CLNS1A: variants seen among roughly 807,000 people sequenced by gnomAD.
CLNS1A encodes chloride nucleotide-sensitive channel 1A.
In CLNS1A, 16 loss-of-function variants were observed where a neutral mutation model predicts 29.4. The ratio of observed to expected loss-of-function variants is 0.54; its 90% CI spans 0.37 to 0.83. The LOEUF (loss-of-function observed/expected upper bound fraction) is 0.83. Among genes scored for constraint, CLNS1A ranks in the 40% least tolerant of loss-of-function variants. The pLI, the probability that CLNS1A is intolerant of heterozygous loss-of-function variation, is 0.00. For synonymous variants in CLNS1A, 96 were observed against 104.8 expected (o/e 0.92, Z 0.51); for missense variants, 235 against 287.4 (o/e 0.82, Z 1.32).
intron 6 of CLNS1A, 66 bp downstream of exon 6, chr11:77,619,540 A>C: frequency 2.8e-6 from 3 of 1,090,852 alleles, no homozygotes; most frequent in Non-Finnish European, 4.2e-6. Flanking sequence ...GAATTTTAAA[A>C]AGTAGAAAGT....
At chr11:77,621,823 T>C in intron 5 of CLNS1A, 1 of 381,650 alleles carries the variant, frequency 2.6e-6, no homozygotes, top group Non-Finnish European at 5.2e-6. Context: ...GTGTGGTGGG[T>C]CTCATTTAAT....
intron 5 of CLNS1A, 93 bp from the exon 6 acceptor site, chr11:77,619,788 C>G (rs1200709285): frequency 3.7e-5 from 33 of 882,760 alleles, no homozygotes; most frequent in African/African-American, 6.6e-5. Context: ...AGCTAGTGCC[C>G]TCTGCTGGTA....
At chr11:77,622,941 T>C (rs1468948800) in intron 4 of CLNS1A, among the ~76,000 whole-genome samples, 1 of 144,282 alleles carries the variant, frequency 6.9e-6, no homozygotes, top group East Asian at 2.1e-4. Context: ...GAGCAAGACC[T>C]TGTCTTGGAA....
intron 1 of CLNS1A, among the ~76,000 whole-genome samples, chr11:77,634,129 T>A (rs1418164654): frequency 1.3e-5 from 2 of 151,502 alleles, no homozygotes; most frequent in Admixed American, 1.3e-4. Flanking sequence ...CAACTTCCTA[T>A]AAAAAACTAA....
At chr11:77,627,921 G>A (rs1329947757) in intron 2 of CLNS1A, among the ~76,000 whole-genome samples, 3 of 152,114 alleles carry the variant, frequency 2.0e-5, no homozygotes, top group African/African-American at 4.8e-5. Flanking sequence ...CACCTCCCGG[G>A]TTCAAGTGAT....
chr11:77,630,479 A>C (rs1330487847), intron 1 of CLNS1A, among the ~76,000 whole-genome samples: 1 of 152,184 alleles, frequency 6.6e-6, no homozygotes, highest in Non-Finnish European at 1.5e-5. Flanking sequence ...CCTACACTAA[A>C]AGACATATAT....
intron 1 of CLNS1A, among the ~76,000 whole-genome samples, chr11:77,632,275 C>G (rs1276278664): frequency 6.6e-6 from 1 of 152,164 alleles, no homozygotes; most frequent in Non-Finnish European, 1.5e-5. Context: ...CTTTTCTGAT[C>G]TCAAAAATTT....
At chr11:77,634,291 T>C (rs773767005) in intron 1 of CLNS1A, among the ~76,000 whole-genome samples, 3 of 152,170 alleles carry the variant, frequency 2.0e-5, no homozygotes, top group Non-Finnish European at 4.4e-5. Flanking sequence ...TTTATGAACA[T>C]GACTCTCTCC....
intron 2 of CLNS1A, 122 bp downstream of exon 2, chr11:77,629,641 G>A (rs1046307145): frequency 1.9e-5 from 16 of 824,042 alleles, no homozygotes; most frequent in Non-Finnish European, 2.8e-5. Context: ...TGATCCGCCC[G>A]CCTCGGCCTC....
intron 4 of CLNS1A, among the ~76,000 whole-genome samples, chr11:77,624,601 C>T (rs1011185261): frequency 6.6e-6 from 1 of 152,130 alleles, no homozygotes; most frequent in African/African-American, 2.4e-5. Flanking sequence ...AGGCGGATCA[C>T]CTGAGGTCGG....
At chr11:77,635,525 T>A (rs2135780739) in intron 1 of CLNS1A, among the ~76,000 whole-genome samples, 1 of 152,104 alleles carries the variant, frequency 6.6e-6, no homozygotes, top group East Asian at 1.9e-4. Context: ...ATAATTTTTG[T>A]ATTTTAGTAG....
intron 5 of CLNS1A, 135 bp downstream of exon 5, chr11:77,622,365 T>C (rs1272921950): frequency 3.1e-6 from 2 of 641,548 alleles, no homozygotes; most frequent in Non-Finnish European, 5.2e-6. Flanking sequence ...TCCTATACTA[T>C]GTAATTCTGT....
rs753612871 is a variant in CLNS1A, at chr11:77,619,661, A to T, written c.681T>A (p.Ala227=). The change falls in exon 6 of 7, where the codon GCT becomes GCA. Residue 227 remains alanine (A), a synonymous_variant. Transcript: ENST00000525428. ...CAACATCTGCATCCTCAAACTGTCC[A>T]GCAACTGTTGGTGTGGTATCCACCT... ...GMEVDTTPTV[A]GQFEDADVDH The T allele has an allele frequency of 1.2e-6, 2 of 1,613,940 alleles. No individual in the cohort carries two copies. Among genetic ancestry groups the T allele is most frequent in the Admixed American group, 3.3e-5 (2 of 60,014 alleles).
chr11:77,628,672 A>G (rs889475472), intron 2 of CLNS1A, among the ~76,000 whole-genome samples: 7 of 152,266 alleles, frequency 4.6e-5, no homozygotes, highest in African/African-American at 1.4e-4. Flanking sequence ...GAACCATATT[A>G]AAATCTAAAT....
At position 77,616,611 on chromosome 11, in the gene CLNS1A, G is replaced by A. The variant is rs956447793; in HGVS notation, c.*107C>T. The A allele has an allele frequency of 2.6e-5, 4 of 152,610 alleles. No individual in the cohort carries two copies. Among genetic ancestry groups the A allele is most frequent in the South Asian group, 2.1e-4 (1 of 4,828 alleles). 9.5% of individuals were successfully genotyped at this position (152,610 alleles called of 1,614,324 possible). On this transcript the variant is annotated 3_prime_UTR_variant, in exon 7 of 7. Transcript: ENST00000525428. ...TCAAGAAAGAACTGGTTCAGGTTGG[G>A]TTTTGGAAAAGGAAAAAGACTTTCA...
rs1316271688 is a variant in CLNS1A, at chr11:77,614,682, A to C, written c.*2036T>G. On this transcript the variant is annotated 3_prime_UTR_variant, in exon 7 of 7. Coordinates refer to ENST00000525428, the MANE Select transcript of CLNS1A (RefSeq NM_001293.3). ...CTTAATGAATACATTTTTTAAATGA[A>C]GAACCTAGAACAGAGAACCATTAAC... is the stretch of plus-strand genomic sequence containing the variant. 2.0e-5 allele frequency: 3 copies of C among 152,214 alleles called. No homozygotes were observed. Among genetic ancestry groups the C allele is most frequent in the Non-Finnish European group, 4.4e-5 (3 of 68,034 alleles). 9.4% of individuals were successfully genotyped at this position (152,214 alleles called of 1,614,324 possible).
Position 77,625,033 on chromosome 11 carries a change from G to T in CLNS1A, c.402C>A (p.Ala134=), listed in dbSNP as rs540072253. The change falls in exon 4 of 7, where the codon GCC becomes GCA. Residue 134 remains alanine (A), a synonymous_variant. Coordinates refer to ENST00000525428, the MANE Select transcript of CLNS1A (RefSeq NM_001293.3). The part of the protein sequence containing the change: ...AMFTAMCECQ[A]LHPDPEDEDS... ...CCTCATCCTCAGGATCTGGATGCAA[G>T]GCCTGGCATTCGCACATTGCAGTGA... is the stretch of plus-strand genomic sequence containing the variant. The T allele has an allele frequency of 1.2e-6, 2 of 1,613,818 alleles. No homozygotes were observed. Among genetic ancestry groups the T allele is most frequent in the Admixed American group, 1.7e-5 (1 of 59,998 alleles).
chr11:77,627,279 A>C (rs908304192), intron 2 of CLNS1A, among the ~76,000 whole-genome samples: 4 of 150,988 alleles, frequency 2.6e-5, no homozygotes, highest in Non-Finnish European at 5.9e-5. Flanking sequence ...TAAAATACAA[A>C]AAAAAAAAAA....
At chr11:77,625,139 T>A (rs1345101853) in intron 3 of CLNS1A, 69 bp from the exon 4 acceptor site, 2 of 1,091,834 alleles carry the variant, frequency 1.8e-6, no homozygotes, top group Non-Finnish European at 2.8e-6. Flanking sequence ...GCAAATAAAT[T>A]TAATGGGTAC....
Sources: allele counts gnomAD v4.1 joint callset (sites outside exome capture counted in the v4.1 genomes callset), GRCh38; gene constraint gnomAD v4.1.1; transcripts MANE v1.5; gene names NCBI Gene and HGNC (gene_info 2026-07-23, HGNC 2026-07-21).